Variants in RIF1 observed in about 807,000 individuals in gnomAD.
RIF1 encodes telomere-associated protein RIF1.
A neutral mutation model predicts 247.1 loss-of-function variants in RIF1; 45 were observed. The observed-to-expected ratio is 0.18, with a 90% CI of 0.14 to 0.23. The LOEUF is 0.23. RIF1 is among the 10% of genes least tolerant of loss of function. The pLI, the probability that RIF1 is intolerant of heterozygous loss-of-function variation, is 1.00. For synonymous variants in RIF1, 1,087 were observed against 978.8 expected, an observed-to-expected ratio of 1.11 and a Z score of -2.06; for missense variants, 2,967 against 2,862.5, an observed-to-expected ratio of 1.04 and a Z score of -0.83.
chr2:151,510,829 A>G (rs1422914058), downstream of RIF1, among the ~76,000 whole-genome samples: 1 of 152,214 alleles, frequency 6.6e-6, no homozygotes, highest in African/African-American at 2.4e-5. Flanking sequence ...ACTACTGTAT[A>G]GTATCCTAAA....
intron 6 of RIF1, among the ~76,000 whole-genome samples, chr2:151,417,223 C>T (rs375266661): frequency 2.7e-4 from 41 of 152,240 alleles, no homozygotes; most frequent in African/African-American, 9.9e-4. Flanking sequence ...CATAAGTGGG[C>T]TTGGGTTGTT....
At chr2:151,432,224 G>GGTTTCAAACTCCTGACCTCAAGT (rs1690290785) in intron 9 of RIF1, among the ~76,000 whole-genome samples, 1 of 152,074 alleles carries the variant, frequency 6.6e-6, no homozygotes, top group Admixed American at 6.6e-5. Context: ...TGGTCAGGCT[G>GGTTTCAAACTCCTGACCTCAAGT]GTTTCAAACT....
intron 24 of RIF1, among the ~76,000 whole-genome samples, chr2:151,458,451 C>G (rs1303961513): frequency 6.6e-6 from 1 of 151,914 alleles, no homozygotes; most frequent in Non-Finnish European, 1.5e-5. Context: ...CCAGGATCGT[C>G]TCAATCTCCT....
chr2:151,520,386 G>A, the RIF1 span, among the ~76,000 whole-genome samples: 90 of 152,128 alleles, frequency 5.9e-4, no homozygotes, highest in African/African-American at 2.1e-3. Flanking sequence ...AGATACTTCA[G>A]AATAATGAGA....
intron 4 of RIF1, among the ~76,000 whole-genome samples, chr2:151,416,070 T>G (rs1266692555): frequency 6.6e-6 from 1 of 152,240 alleles, no homozygotes; most frequent in Non-Finnish European, 1.5e-5. Context: ...TCTGCACTGT[T>G]GCTCCATAGT....
At chr2:151,533,248 G>T in the RIF1 span, among the ~76,000 whole-genome samples, 1 of 152,196 alleles carries the variant, frequency 6.6e-6, no homozygotes, top group Non-Finnish European at 1.5e-5. Flanking sequence ...AGTGTCAGAT[G>T]ATGTACGGAT....
the RIF1 span, among the ~76,000 whole-genome samples, chr2:151,522,045 C>T: frequency 6.6e-5 from 10 of 152,260 alleles, no homozygotes; most frequent in South Asian, 1.9e-3. Context: ...TAAGAGGCAA[C>T]TCTGCAATGC....
In RIF1 at chr2:151,489,969, A is replaced by ATCCAT. The variant is rs1357452519; in HGVS notation, c.*416-5260_*416-5259insTCCAT. On this transcript the variant is annotated intron_variant and NMD_transcript_variant, in intron 9 of 13. Coordinates refer to the RIF1 transcript ENST00000454583. The stretch of plus-strand genomic sequence containing the variant: ...TATTTAAGTGAGTTGTTATTCACTT[A>ATCCAT]CTCCAGCAGTAGATGGATGAGATGG... The ATCCAT allele has an allele frequency of 3.8e-6, 6 of 1,566,488 alleles. No homozygotes were observed. The highest frequency in any genetic ancestry group is 5.3e-6 in the Non-Finnish European group (6 of 1,136,840).
At position 151,499,811 on chromosome 2, in the gene RIF1, C is replaced by T. The variant is rs188311818; in HGVS notation, c.*709+271C>T. ...ATCTATGCAATATGGCAATTTGGTC[C>T]TTGTCATTAAGTTCAAGTTGTTGTA... On this transcript the variant is annotated intron_variant and NMD_transcript_variant, in intron 11 of 13. Transcript: ENST00000454583. Among the ~76,000 whole-genome samples the T allele has an allele frequency of 3.3e-5, 5 of 152,214 alleles. No homozygotes were observed. In the East Asian group the frequency reaches 9.6e-4, roughly 29 times the overall value.
intron 10 of RIF1, among the ~76,000 whole-genome samples, chr2:151,495,616 C>T (rs1354547170): frequency 2.6e-5 from 4 of 151,958 alleles, no homozygotes; most frequent in Admixed American, 6.5e-5. Flanking sequence ...CACAAGCTTA[C>T]GGGAAATGGT....
At chr2:151,435,695 G>T in intron 11 of RIF1, 115 bp downstream of exon 11, 2 of 575,710 alleles carry the variant, frequency 3.5e-6, no homozygotes, top group South Asian at 2.9e-5. Context: ...AGTGTTTTTC[G>T]TTTGAAATGA....
At chr2:151,524,214 G>T in the RIF1 span, 1 of 1,009,102 alleles carries the variant, frequency 9.9e-7, no homozygotes, top group Non-Finnish European at 1.5e-6. Flanking sequence ...TACAGACCCA[G>T]CATCCCTTTG....
chr2:151,442,041 C>G, intron 16 of RIF1, 50 bp downstream of exon 16: 1 of 359,890 alleles, frequency 2.8e-6, no homozygotes, highest in Non-Finnish European at 5.0e-6. Context: ...AACATTTATA[C>G]TTCCCTTTTT....
Position 151,445,334 on chromosome 2 carries a change from T to G in RIF1, c.1987-4T>G. On this transcript the variant is annotated splice_region_variant and splice_polypyrimidine_tract_variant and intron_variant, in intron 18 of 35. Transcript: ENST00000444746. ...GTCTAACTTCATTATTTTTCTTGTT[T>G]TAGACCAATGAAGTAAATCAAGGTG... is the stretch of plus-strand genomic sequence containing the variant. 6.6e-7 allele frequency: 1 copy of G among 1,507,092 alleles called. No homozygotes were observed. The highest frequency in any genetic ancestry group is 1.1e-5 in the South Asian group (1 of 88,804). The allele number at this position is 1,507,092 out of a possible 1,614,324, so 93.4% of individuals were successfully genotyped here.
chr2:151,465,926 C>T lies in RIF1; in HGVS notation c.6406C>T (p.Leu2136=), dbSNP rs1696806481. The part of the protein sequence containing the change: ...CLASGTAISE[L]IIEDNNASPQ... The stretch of plus-strand genomic sequence containing the variant: ...GGCATCTGGAACAGCTATCTCTGAG[C>T]TAATAATAGAAGACAATAATGCATC... Residue 2136 remains leucine, a synonymous_variant, in exon 30 of 36, where the codon CTA becomes TTA. Transcript: ENST00000444746. The T allele has an allele frequency of 1.2e-6, 2 of 1,614,146 alleles. No homozygotes were observed. The highest frequency in any genetic ancestry group is 2.7e-5 in the African/African-American group (2 of 75,056).
chr2:151,421,090 A>G (rs1411550851), intron 7 of RIF1, among the ~76,000 whole-genome samples: 3 of 152,202 alleles, frequency 2.0e-5, no homozygotes, highest in Non-Finnish European at 2.9e-5. Context: ...AGGTTTTCTA[A>G]CCATTGTTGT....
intron 12 of RIF1, among the ~76,000 whole-genome samples, chr2:151,504,369 G>A (rs1575379902): frequency 1.3e-5 from 2 of 152,032 alleles, no homozygotes; most frequent in South Asian, 2.1e-4. Context: ...AATTGATCTC[G>A]GACAACAGCA....
At chr2:151,516,368 T>C in the RIF1 span, 2 of 797,984 alleles carry the variant, frequency 2.5e-6, no homozygotes, top group African/African-American at 1.7e-5. Context: ...CTACCACTTT[T>C]GGATGACAGG....
At chr2:151,482,344 C>T (rs1309665232), downstream of RIF1, among the ~76,000 whole-genome samples, 2 of 152,120 alleles carry the variant, frequency 1.3e-5, no homozygotes, top group East Asian at 1.9e-4. Flanking sequence ...GCTTTTTAAC[C>T]ACAGAGGTTT....
Sources: gnomAD v4.1 joint callset for allele counts (sites outside exome capture counted in the v4.1 genomes callset) on GRCh38, gnomAD v4.1.1 for gene constraint, MANE v1.5 for transcripts, NCBI Gene and HGNC (gene_info 2026-07-23, HGNC 2026-07-21) for gene names.